ASAP1: variants seen among roughly 807,000 people sequenced by gnomAD.
ASAP1 encodes arf-GAP with SH3 domain, ANK repeat and PH domain-containing protein 1.
ASAP1 carries 43 observed loss-of-function variants against 145.2 expected under a neutral mutation model. The ratio of observed to expected loss-of-function variants is 0.30; its 90% CI spans 0.23 to 0.38. The LOEUF is 0.38. ASAP1 is among the 10% of genes least tolerant of loss of function. The pLI is 1.00. For missense variants in ASAP1, 1,018 were observed against 1,355.3 expected (o/e 0.75, Z 3.91); for synonymous variants, 546 against 515.5 (o/e 1.06, Z -0.80).
At chr8:130,099,197 T>C (rs562376088) in intron 24 of ASAP1, among the ~76,000 whole-genome samples, 1 of 150,458 alleles carries the variant, frequency 6.6e-6, no homozygotes, top group African/African-American at 2.4e-5. Flanking sequence ...TTTTTTTTGG[T>C]GGACTGAGTC....
chr8:130,344,728 T>C (rs960715338), intron 3 of ASAP1, among the ~76,000 whole-genome samples: 3 of 151,834 alleles, frequency 2.0e-5, no homozygotes. Context: ...CAGGGTGAGA[T>C]TGCGTCTCTT....
At chr8:130,329,964 A>G (rs1032028058) in intron 3 of ASAP1, among the ~76,000 whole-genome samples, 1 of 152,182 alleles carries the variant, frequency 6.6e-6, no homozygotes, top group African/African-American at 2.4e-5. Flanking sequence ...GTCCTGCCCC[A>G]CAAAGGGAGG....
At chr8:130,087,366 A>C (rs934870808) in intron 25 of ASAP1, among the ~76,000 whole-genome samples, 14 of 152,164 alleles carry the variant, frequency 9.2e-5, no homozygotes, top group Non-Finnish European at 1.8e-4. Context: ...TTAAAAATAC[A>C]AAAATCAGCT....
chr8:130,153,335 A>ATATATATATATATATATATATATATG (rs2097650844), intron 12 of ASAP1, among the ~76,000 whole-genome samples: 9 of 65,300 alleles, frequency 1.4e-4, no homozygotes, highest in African/African-American at 6.1e-4. Context: ...CTTTTTAAAT[A>ATATATATATATATATATATATATATG]TATATATATA....
intron 3 of ASAP1, among the ~76,000 whole-genome samples, chr8:130,295,613 G>A (rs1822222656): frequency 6.6e-6 from 1 of 152,198 alleles, no homozygotes; most frequent in Non-Finnish European, 1.5e-5. Flanking sequence ...ACATGTGACT[G>A]ATGCTGGAAG....
intron 1 of ASAP1, among the ~76,000 whole-genome samples, chr8:130,426,302 C>G (rs1365620785): frequency 1.3e-5 from 2 of 152,098 alleles, no homozygotes; most frequent in African/African-American, 4.8e-5. Context: ...GAAGCAGAAG[C>G]CTGTACAGCC....
chr8:130,396,141 A>G (rs1429847664), intron 2 of ASAP1, among the ~76,000 whole-genome samples: 1 of 152,232 alleles, frequency 6.6e-6, no homozygotes, highest in Non-Finnish European at 1.5e-5. Flanking sequence ...CAGAAAAGTG[A>G]TCAAAAAATA....
intron 2 of ASAP1, among the ~76,000 whole-genome samples, chr8:130,394,628 C>T (rs934092728): frequency 6.6e-6 from 1 of 152,150 alleles, no homozygotes; most frequent in African/African-American, 2.4e-5. Flanking sequence ...TTGAAAATCC[C>T]TAATAAAAAC....
At chr8:130,398,857 T>C (rs1003175177) in intron 2 of ASAP1, among the ~76,000 whole-genome samples, 8 of 152,242 alleles carry the variant, frequency 5.3e-5, no homozygotes, top group Non-Finnish European at 1.0e-4. Context: ...CTGCAGAGCC[T>C]ATCCTGTCAG....
chr8:130,218,588 G>A (rs1424595240), intron 4 of ASAP1, among the ~76,000 whole-genome samples: 1 of 152,148 alleles, frequency 6.6e-6, no homozygotes, highest in Non-Finnish European at 1.5e-5. Flanking sequence ...AGATGGAGTT[G>A]GCTAAAGGCT....
chr8:130,135,840 A>C (rs1300101003), intron 14 of ASAP1, among the ~76,000 whole-genome samples: 1 of 152,228 alleles, frequency 6.6e-6, no homozygotes, highest in African/African-American at 2.4e-5. Context: ...ATAACTCAAT[A>C]AATCTCTTGG....
chr8:130,348,263 G>C (rs1470828894), intron 3 of ASAP1, among the ~76,000 whole-genome samples: 1 of 152,176 alleles, frequency 6.6e-6, no homozygotes, highest in Non-Finnish European at 1.5e-5. Flanking sequence ...GGCAGGGAAA[G>C]GGGTGGCCTA....
At chr8:130,433,169 T>A (rs554461059) in intron 1 of ASAP1, among the ~76,000 whole-genome samples, 1 of 152,340 alleles carries the variant, frequency 6.6e-6, no homozygotes, top group Non-Finnish European at 1.5e-5. Context: ...GAGTTCTGTA[T>A]CAGTGGAGGC....
chr8:130,061,679 C>G (rs775170541), intron 27 of ASAP1, among the ~76,000 whole-genome samples: 6 of 152,164 alleles, frequency 3.9e-5, no homozygotes, highest in African/African-American at 7.2e-5. Flanking sequence ...ACCTCTGTTA[C>G]ATTTTGGTGA....
At chr8:130,224,490 C>T (rs1228632985) in intron 4 of ASAP1, among the ~76,000 whole-genome samples, 1 of 151,784 alleles carries the variant, frequency 6.6e-6, no homozygotes, top group Non-Finnish European at 1.5e-5. Context: ...TTAAGATAAG[C>T]AAAGTTAATA....
At position 130,271,973 on chromosome 8, in the gene ASAP1, G is replaced by A. The variant is rs188319821; in HGVS notation, c.187-34979C>T. The stretch of plus-strand genomic sequence containing the variant: ...CAAGACTTGCTGTCTCAAGTTGAAT[G>A]ATGAAGAAATAAAAAATAAAAATAA... On this transcript the variant is annotated intron_variant, in intron 3 of 29. Transcript: ENST00000518721. Among the ~76,000 whole-genome samples, 4 of 152,140 alleles carry A rather than the reference G, an allele frequency of 2.6e-5. No homozygotes were observed. In the East Asian group the frequency reaches 5.8e-4, roughly 22 times the overall value.
At position 130,358,195 on chromosome 8, in the gene ASAP1, G is replaced by A. The variant is rs13276180; in HGVS notation, c.60-52C>T. On this transcript the variant is annotated intron_variant, in intron 2 of 29. Transcript: ENST00000518721. The surrounding 1 kb of genome is among the most constrained non-coding windows in gnomAD (Gnocchi z 4.1). ...GGGGCGGGGGGTGAGTCACGGCGCA[G>A]GCTCCCGGGGCCGCGGGCCGCCCGG... 1.3e-6 allele frequency: 2 copies of A among 1,515,004 alleles called. No individual in the cohort carries two copies. The highest frequency in any genetic ancestry group is 5.0e-5 in the East Asian group (2 of 39,806). 93.8% of individuals were successfully genotyped at this position (1,515,004 alleles called of 1,614,324 possible).
intron 3 of ASAP1, among the ~76,000 whole-genome samples, chr8:130,239,914 C>G (rs1051295698): frequency 6.6e-6 from 1 of 152,114 alleles, no homozygotes; most frequent in Non-Finnish European, 1.5e-5. Context: ...TTGTGGAAGG[C>G]AAGTCCAAGT....
At chr8:130,387,765 T>C (rs911263889) in intron 2 of ASAP1, among the ~76,000 whole-genome samples, 2 of 152,060 alleles carry the variant, frequency 1.3e-5, no homozygotes, top group African/African-American at 2.4e-5. Flanking sequence ...AGGCCTAGAA[T>C]TGGTATTTTA....
Sources: allele counts gnomAD v4.1 joint callset (sites outside exome capture counted in the v4.1 genomes callset), GRCh38; gene constraint gnomAD v4.1.1; non-coding constraint Gnocchi (gnomAD v3.1); transcripts MANE v1.5; gene names NCBI Gene and HGNC (gene_info 2026-07-23, HGNC 2026-07-21).